Variants in GANC observed in about 807,000 individuals in gnomAD.
GANC encodes glucosidase alpha, neutral C, also known as neutral alpha-glucosidase C.
In GANC, 117 loss-of-function variants were observed where a neutral mutation model predicts 124.2. The observed-to-expected ratio is 0.94, with a 90% confidence interval of 0.81 to 1.10. The LOEUF (loss-of-function observed/expected upper bound fraction) is 1.10, where lower values mean the gene tolerates loss of function less well. Ranked by LOEUF, GANC falls within the 50% of genes least tolerant of loss-of-function variation. The pLI is 0.00. For synonymous variants in GANC, 377 were observed against 376.8 expected (o/e 1.00, Z -0.01); for missense variants, 1,140 against 1,095.0 (o/e 1.04, Z -0.58).
chr15:42,335,014 T>G (rs1035535202), intron 15 of GANC, among the ~76,000 whole-genome samples: 1 of 152,124 alleles, frequency 6.6e-6, no homozygotes, highest in Non-Finnish European at 1.5e-5. Flanking sequence ...CCAGACAGAT[T>G]CACATCCCAG....
intron 3 of GANC, among the ~76,000 whole-genome samples, chr15:42,282,582 A>G (rs940221602): frequency 2.0e-5 from 3 of 152,184 alleles, no homozygotes; most frequent in African/African-American, 7.2e-5. Context: ...GACAAATCCA[A>G]CACTCTTGGT....
intron 22 of GANC, among the ~76,000 whole-genome samples, chr15:42,350,158 G>A (rs1334846992): frequency 1.3e-5 from 2 of 149,560 alleles, no homozygotes; most frequent in African/African-American, 4.9e-5. Context: ...AGCCTCCCAA[G>A]TAGCTGGGAT....
intron 6 of GANC, 73 bp from the exon 7 acceptor site, chr15:42,306,473 A>C: frequency 8.5e-7 from 1 of 1,170,552 alleles, no homozygotes; most frequent in South Asian, 1.4e-5. Context: ...TAATCCAAAT[A>C]AAATGAGCTA....
chr15:42,317,494 G>A (rs1450266465), intron 10 of GANC, among the ~76,000 whole-genome samples: 1 of 152,054 alleles, frequency 6.6e-6, no homozygotes, highest in Non-Finnish European at 1.5e-5. Flanking sequence ...ACTACATGGT[G>A]AATGTAATTA....
Position 42,339,690 on chromosome 15 carries a change from G to A in GANC, c.1865G>A (p.Gly622Glu). The change falls in exon 17 of 24, where the codon GGG becomes GAG. Residue 622 changes from glycine (G) to glutamate (E), a missense_variant. Transcript: ENST00000318010. ...FCGADIGGFI[G>E]NPETELLVRW... ...CCAGCTGACATAGGCGGGTTCATTGGGAATCCAGAGACAGAGCTGCTAGTG... is the reference window on the plus strand; with the variant it reads ...CCAGCTGACATAGGCGGGTTCATTGAGAATCCAGAGACAGAGCTGCTAGTG... The A allele has an allele frequency of 6.2e-7, 1 of 1,613,874 alleles. No individual in the cohort carries two copies. Among genetic ancestry groups the A allele is most frequent in the Non-Finnish European group, 8.5e-7 (1 of 1,179,816 alleles).
intron 6 of GANC, among the ~76,000 whole-genome samples, chr15:42,300,547 T>G (rs2051935582): frequency 6.6e-6 from 1 of 152,198 alleles, no homozygotes; most frequent in African/African-American, 2.4e-5. Context: ...TAGTGAGTCC[T>G]CAAGGGTCTA....
At chr15:42,291,420 T>A (rs1265076936) in intron 4 of GANC, among the ~76,000 whole-genome samples, 1 of 152,156 alleles carries the variant, frequency 6.6e-6, no homozygotes, top group South Asian at 2.1e-4. Context: ...GAGGAAATGA[T>A]CCACAGACTT....
chr15:42,301,645 T>C (rs1394355187), intron 6 of GANC, among the ~76,000 whole-genome samples: 2 of 152,154 alleles, frequency 1.3e-5, no homozygotes, highest in African/African-American at 4.8e-5. Context: ...GAAGTTGACC[T>C]GGGATGCTCA....
At chr15:42,338,981 A>G (rs150754825) in intron 16 of GANC, among the ~76,000 whole-genome samples, 59 of 152,308 alleles carry the variant, frequency 3.9e-4, no homozygotes, top group Admixed American at 1.0e-3. Context: ...CCAATGGACT[A>G]TCTTCCCTGC....
Position 42,343,100 on chromosome 15 carries a change from A to G in GANC, c.2175A>G (p.Pro725=). The G allele has an allele frequency of 1.2e-6, 2 of 1,614,102 alleles. No homozygotes were observed. Among genetic ancestry groups the G allele is most frequent in the Non-Finnish European group, 1.7e-6 (2 of 1,179,964 alleles). ...TAGGGAGTGCATTATTGGTTCATCC[A>G]GTCACAGAACCAAAAGCCACCACAG... is the stretch of plus-strand genomic sequence containing the variant. ...YMLGSALLVH[P]VTEPKATTVD... is the part of the protein sequence containing the mutation. Residue 725 remains proline, a synonymous_variant, in exon 19 of 24, where the codon CCA becomes CCG. Transcript: ENST00000318010.
intron 10 of GANC, among the ~76,000 whole-genome samples, chr15:42,312,516 A>C (rs1372646144): frequency 6.6e-6 from 1 of 152,212 alleles, no homozygotes; most frequent in Non-Finnish European, 1.5e-5. Flanking sequence ...CCAGACATGT[A>C]GAACTGTAAG....
intron 5 of GANC, among the ~76,000 whole-genome samples, chr15:42,297,051 T>C (rs1478991298): frequency 6.6e-6 from 1 of 152,104 alleles, no homozygotes; most frequent in Non-Finnish European, 1.5e-5. Flanking sequence ...AATACAACTA[T>C]GGGTGGAAGA....
rs1404970858 is a variant in GANC, at chr15:42,276,330, A to T, written c.30-18A>T. The stretch of plus-strand genomic sequence containing the variant: ...AGCCCTGTGTGAAATAAATTTCTCA[A>T]AATGTCTTTTTATTTAGTCTTGAAG... On this transcript the variant is annotated intron_variant, in intron 1 of 23. Coordinates refer to ENST00000318010, the MANE Select transcript of GANC (RefSeq NM_198141.3). The T allele has an allele frequency of 8.2e-7, 1 of 1,217,534 alleles. No individual in the cohort carries two copies. 75.4% of individuals were successfully genotyped at this position (1,217,534 alleles called of 1,614,324 possible).
intron 6 of GANC, among the ~76,000 whole-genome samples, chr15:42,298,793 T>A (rs953800054): frequency 4.6e-5 from 7 of 152,232 alleles, no homozygotes; most frequent in Admixed American, 4.6e-4. Context: ...GTTAGCTGTA[T>A]TCCTAGGTAT....
intron 20 of GANC, among the ~76,000 whole-genome samples, 177 bp from the exon 21 acceptor site, chr15:42,347,926 C>T (rs770662451): frequency 6.6e-6 from 1 of 152,120 alleles, no homozygotes; most frequent in Non-Finnish European, 1.5e-5. Flanking sequence ...AGCGTTAGAG[C>T]TCTTTTCCTT....
At chr15:42,324,357 A>G (rs1036310904) in intron 11 of GANC, among the ~76,000 whole-genome samples, 1 of 152,204 alleles carries the variant, frequency 6.6e-6, no homozygotes, top group Non-Finnish European at 1.5e-5. Context: ...TACAGCTGTT[A>G]TGGAAAACAA....
chr15:42,322,206 A>G (rs2052165581), intron 11 of GANC, among the ~76,000 whole-genome samples, 186 bp downstream of exon 11: 1 of 152,224 alleles, frequency 6.6e-6, no homozygotes, highest in South Asian at 2.1e-4. Flanking sequence ...GACCCCATCC[A>G]TTCCTGGCTT....
At chr15:42,314,237 G>C (rs570935362) in intron 10 of GANC, 2 of 714,082 alleles carry the variant, frequency 2.8e-6, no homozygotes, top group Non-Finnish European at 5.1e-6. Flanking sequence ...CCTGAAGCAC[G>C]TAGCTACCCA....
chr15:42,310,154 A>C (rs1034711702), intron 8 of GANC, 129 bp from the exon 9 acceptor site: 4 of 623,080 alleles, frequency 6.4e-6, no homozygotes, highest in Admixed American at 3.4e-5. Flanking sequence ...ATCTTTAGGG[A>C]AGTGGCAAGA....
Sources: gnomAD v4.1 joint callset for allele counts (sites outside exome capture counted in the v4.1 genomes callset) on GRCh38, gnomAD v4.1.1 for gene constraint, MANE v1.5 for transcripts, NCBI Gene and HGNC (gene_info 2026-07-23, HGNC 2026-07-21) for gene names.